The following USP16 variants were observed in gnomAD, a reference collection of about 807,000 sequenced individuals.
USP16 encodes ubiquitin specific peptidase 16.
Under a neutral mutation model 95.9 loss-of-function variants are expected in USP16, and 77 were observed. That is an observed-to-expected ratio of 0.80 (90% CI 0.67 to 0.97). The LOEUF (loss-of-function observed/expected upper bound fraction) is 0.97, where lower values mean the gene tolerates loss of function less well. Among genes scored for constraint, USP16 ranks in the 50% least tolerant of loss-of-function variants. USP16 has a pLI of 0.00. For missense variants in USP16, 943 were observed against 959.9 expected (o/e 0.98, Z 0.23); for synonymous variants, 303 against 318.2 (o/e 0.95, Z 0.51).
At chr21:29,030,286 A>G (rs2085058520) in intron 2 of USP16, among the ~76,000 whole-genome samples, 1 of 152,186 alleles carries the variant, frequency 6.6e-6, no homozygotes, top group East Asian at 1.9e-4. Flanking sequence ...AAAGAGAATC[A>G]TAAGTATGAT....
rs149255317 is a variant in USP16 at position 29,042,079 on chromosome 21, T to C, written c.1097T>C (p.Met366Thr). The change falls in exon 11 of 18, where the codon ATG (methionine) becomes ACG (threonine). Residue 366 changes from methionine (M) to threonine (T), a missense_variant. By Grantham distance (81) the Met-to-Thr change is moderately conservative. Transcript: ENST00000399976. ...ATCTTTGGTGGTGAACTAACTAGTA[T>C]GATCATGTGTGATCAATGCAGAACT... ...DRIFGGELTS[M>T]IMCDQCRTVS... 531 of 1,613,274 alleles carry C rather than the reference T, an allele frequency of 3.3e-4. 4 individuals are homozygous for C. The African/African-American group carries it at 6.4e-3, about 19-fold the overall frequency.
At chr21:29,042,284 A>G (rs1231300565) in intron 11 of USP16, among the ~76,000 whole-genome samples, 180 bp downstream of exon 11, 1 of 152,156 alleles carries the variant, frequency 6.6e-6, no homozygotes, top group Non-Finnish European at 1.5e-5. Context: ...TGAAGACGTT[A>G]AACAGTTTGA....
chr21:29,036,454 G>C (rs1432237043), intron 5 of USP16, 80 bp downstream of exon 5: 1 of 1,296,762 alleles, frequency 7.7e-7, no homozygotes, highest in African/African-American at 1.5e-5. Context: ...ATACTACCTA[G>C]CATTACATAC....
Position 29,034,928 on chromosome 21 carries a change from A to G in USP16, c.332A>G (p.Asn111Ser), listed in dbSNP as rs776011152. Reference protein sequence around the residue: ...EPHCLVLSLDNWSVWCYVCDN... With the variant: ...EPHCLVLSLDSWSVWCYVCDN... Reference sequence around the variant, plus strand: ...CACTGTCTGGTTCTTAGTTTGGACAACTGGAGTGTATGGTGAGTTTCAGTT... The same window carrying G: ...CACTGTCTGGTTCTTAGTTTGGACAGCTGGAGTGTATGGTGAGTTTCAGTT... The change falls in exon 4 of 18, where the codon AAC (asparagine) becomes AGC (serine). Residue 111 changes from asparagine (N) to serine (S), a missense_variant. Physicochemically the swap from Asn to Ser is conservative, Grantham distance 46 (BLOSUM62 1). Coordinates refer to ENST00000399976, the MANE Select transcript of USP16 (RefSeq NM_006447.3). The G allele has an allele frequency of 8.7e-6, 14 of 1,613,822 alleles. No individual in the cohort carries two copies. In the Admixed American group the frequency reaches 1.7e-4, roughly 19 times the overall value.
chr21:29,037,202 C>A, intron 5 of USP16, 74 bp from the exon 6 acceptor site: 1 of 986,090 alleles, frequency 1.0e-6, no homozygotes. Context: ...AACTCTAGTA[C>A]TGTTTCCCAA....
chr21:29,041,687 A>G (rs1302109598), intron 10 of USP16, among the ~76,000 whole-genome samples: 1 of 152,160 alleles, frequency 6.6e-6, no homozygotes, highest in African/African-American at 2.4e-5. Flanking sequence ...TGAGCTGTTC[A>G]TTTTATACTA....
intron 1 of USP16, among the ~76,000 whole-genome samples, chr21:29,026,972 G>A (rs2085002245): frequency 6.6e-6 from 1 of 152,150 alleles, no homozygotes; most frequent in African/African-American, 2.4e-5. Flanking sequence ...ACTGTTAAAT[G>A]CTTCCGATCA....
intron 5 of USP16, 64 bp from the exon 6 acceptor site, chr21:29,037,212 A>G (rs192873836): frequency 3.7e-6 from 4 of 1,069,600 alleles, no homozygotes; most frequent in Middle Eastern, 3.2e-4. Context: ...CTGTTTCCCA[A>G]GTATACTTCT....
chr21:29,043,353 G>T, intron 12 of USP16, 70 bp from the exon 13 acceptor site: 1 of 1,096,314 alleles, frequency 9.1e-7, no homozygotes, highest in Non-Finnish European at 1.2e-6. Flanking sequence ...TATTTACATA[G>T]TGTGGATTTT....
intron 3 of USP16, among the ~76,000 whole-genome samples, chr21:29,033,306 A>G (rs1313212287): frequency 6.6e-6 from 1 of 152,250 alleles, no homozygotes. Flanking sequence ...AATTTTCAAA[A>G]ATAGTATCAA....
chr21:29,047,340 TGTAA>T lies in USP16; in HGVS notation c.2011+24_2011+27del, dbSNP rs754298425. The T allele has an allele frequency of 6.3e-7, 1 of 1,582,388 alleles. No homozygotes were observed. Among genetic ancestry groups the T allele is most frequent in the Non-Finnish European group, 8.6e-7 (1 of 1,165,802 alleles). On this transcript the variant is annotated intron_variant, in intron 14 of 17. Coordinates refer to ENST00000399976, the MANE Select transcript of USP16 (RefSeq NM_006447.3). ...ATAAAAGGTATTTTAATGCTCTCAC[TGTAA>T]GTAAAATTAATATTCAGGGGCACAT...
intron 2 of USP16, among the ~76,000 whole-genome samples, chr21:29,029,458 ATTTC>A (rs1053902569): frequency 6.6e-6 from 1 of 152,166 alleles, no homozygotes; most frequent in Non-Finnish European, 1.5e-5. Context: ...TCTAGTTTGT[ATTTC>A]TTTGACTACT....
chr21:29,043,933 GT>G (rs796782997), intron 13 of USP16, among the ~76,000 whole-genome samples: 4 of 148,678 alleles, frequency 2.7e-5, no homozygotes, highest in South Asian at 2.1e-4. Context: ...TCCCACCACT[GT>G]TTTTTTTTTC....
intron 1 of USP16, among the ~76,000 whole-genome samples, chr21:29,027,109 C>G: frequency 6.6e-6 from 1 of 152,156 alleles, no homozygotes. Context: ...TTTCTAAAAT[C>G]TATAATTCTA....
rs73901170 is a variant in USP16 at position 29,047,330 on chromosome 21, A to G, written c.2011+9A>G. ...AAAGGCAAATATAAAAGGTATTTTA[A>G]TGCTCTCACTGTAAGTAAAATTAAT... is the stretch of plus-strand genomic sequence containing the variant. On this transcript the variant is annotated intron_variant, in intron 14 of 17. Transcript: ENST00000399976. 6,367 of 1,597,476 alleles carry G rather than the reference A, an allele frequency of 4.0e-3. 208 individuals carry two copies. The African/African-American group carries it at 0.073, about 18-fold the overall frequency.
Position 29,043,557 on chromosome 21 carries a change from C to T in USP16, c.1314C>T (p.His438=). The change falls in exon 13 of 18, where the codon CAC becomes CAT. Residue 438 remains histidine, a synonymous_variant. Transcript: ENST00000399976. Reference sequence around the variant, plus strand: ...ATATTCCTTCTGGAACAAGTAAGCACTTACAGAAAAAAGCAAAGAAACAAG... The same window carrying T: ...ATATTCCTTCTGGAACAAGTAAGCATTTACAGAAAAAAGCAAAGAAACAAG... ...RSDIPSGTSK[H]LQKKAKKQAK... 1.9e-6 allele frequency: 3 copies of T among 1,570,990 alleles called. No homozygotes were observed. Among genetic ancestry groups the T allele is most frequent in the Non-Finnish European group, 1.7e-6 (2 of 1,164,776 alleles).
At chr21:29,033,178 A>C (rs1051170377) in intron 3 of USP16, among the ~76,000 whole-genome samples, 1 of 152,216 alleles carries the variant, frequency 6.6e-6, no homozygotes, top group Admixed American at 6.5e-5. Flanking sequence ...TAAGAATAAG[A>C]CATGTCAGTA....
At position 29,034,100 on chromosome 21, in the gene USP16, A is replaced by G. The variant is rs1258180820; in HGVS notation, c.241-737A>G. Reference sequence around the variant, plus strand: ...TGTTTATTAGGAGTTTAAGAGTGCAATTCATAATTTTTGAATGGTGTATGA... The same window carrying G: ...TGTTTATTAGGAGTTTAAGAGTGCAGTTCATAATTTTTGAATGGTGTATGA... On this transcript the variant is annotated intron_variant, in intron 3 of 17. Transcript: ENST00000399976. Among the ~76,000 whole-genome samples the G allele has an allele frequency of 5.3e-5, 8 of 152,194 alleles. No homozygotes were observed. In the South Asian group the frequency reaches 6.2e-4, roughly 12 times the overall value.
rs146992992 is a variant in USP16, at chr21:29,039,514, C to G, written c.897C>G (p.Asp299Glu). 2 of 1,613,344 alleles carry G rather than the reference C, an allele frequency of 1.2e-6. No individual in the cohort carries two copies. The highest frequency in any genetic ancestry group is 8.5e-7 in the Non-Finnish European group (1 of 1,179,482). Residue 299 changes from aspartate to glutamate, a missense_variant, in exon 9 of 18, where the codon GAC (aspartate) becomes GAG (glutamate). Asp to Glu is a conservative substitution (Grantham distance 45). Coordinates refer to ENST00000399976, the MANE Select transcript of USP16 (RefSeq NM_006447.3). ...GGTTTAAAGGCTATCAGCAGCAAGA[C>G]AGCCAGGAGCTGCTTCGCTACTTAT... ...AVRFKGYQQQ[D>E]SQELLRYLLD...
Sources: allele counts gnomAD v4.1 joint callset (sites outside exome capture counted in the v4.1 genomes callset), GRCh38; gene constraint gnomAD v4.1.1; transcripts MANE v1.5; gene names NCBI Gene and HGNC (gene_info 2026-07-23, HGNC 2026-07-21).